The following ARIH2 variants were observed in gnomAD, a reference collection of about 807,000 sequenced individuals.
The protein encoded by ARIH2 is ariadne RBR E3 ubiquitin protein ligase 2, also known as E3 ubiquitin-protein ligase ARIH2.
Under a neutral mutation model 79.8 loss-of-function variants are expected in ARIH2, and 12 were observed. That is an observed-to-expected ratio of 0.15 (90% CI 0.10 to 0.24). The LOEUF (loss-of-function observed/expected upper bound fraction) is 0.24. ARIH2 is among the 10% of genes least tolerant of loss of function. ARIH2 has a pLI of 1.00. For synonymous variants in ARIH2, 224 were observed against 213.9 expected (o/e 1.05, Z -0.41); for missense variants, 301 against 618.3 (o/e 0.49, Z 5.44).
chr3:48,978,685 C>T (rs775457293), intron 11 of ARIH2, among the ~76,000 whole-genome samples: 8 of 151,526 alleles, frequency 5.3e-5, no homozygotes, highest in African/African-American at 9.7e-5. Flanking sequence ...ATTTGCCAGG[C>T]GCAGTGGCTC....
intron 3 of ARIH2, among the ~76,000 whole-genome samples, chr3:48,956,783 C>T (rs551827200): frequency 1.2e-3 from 189 of 152,040 alleles, no homozygotes; most frequent in Non-Finnish European, 2.3e-3. Flanking sequence ...ACTGCAACCT[C>T]TGCCTCCCGG....
intron 3 of ARIH2, among the ~76,000 whole-genome samples, chr3:48,952,992 C>T (rs778347683): frequency 6.6e-5 from 10 of 151,906 alleles, no homozygotes; most frequent in Non-Finnish European, 1.2e-4. Flanking sequence ...TGCAGTGGCG[C>T]GATCTTGGCT....
At chr3:48,965,718 T>TG (rs1236726872) in intron 5 of ARIH2, among the ~76,000 whole-genome samples, 4 of 152,156 alleles carry the variant, frequency 2.6e-5, no homozygotes, top group Admixed American at 1.3e-4. Flanking sequence ...CCCAGCACTT[T>TG]GGGGGGCCGA....
chr3:48,983,292 G>C lies in ARIH2; in HGVS notation c.*22G>C. 1 of 1,613,612 alleles carries C rather than the reference G, an allele frequency of 6.2e-7. No individual in the cohort carries two copies. The highest frequency in any genetic ancestry group is 8.5e-7 in the Non-Finnish European group (1 of 1,179,754). On this transcript the variant is annotated 3_prime_UTR_variant, in exon 16 of 16. Transcript: ENST00000356401. ...CTAAGTTGGGATGTGGATGTGCCGG[G>C]GTGAGGAAGATGTGGCTGCAAGGTC...
intron 7 of ARIH2, among the ~76,000 whole-genome samples, chr3:48,969,932 C>T (rs1293489271): frequency 2.0e-5 from 3 of 150,782 alleles, no homozygotes; most frequent in Non-Finnish European, 4.4e-5. Flanking sequence ...ACTCTGTCAC[C>T]GAGGCCGGAG....
At position 48,961,668 on chromosome 3, in the gene ARIH2, G is replaced by C; in HGVS notation, c.312G>C (p.Glu104Asp). 6.2e-7 allele frequency: 1 copy of C among 1,607,068 alleles called. No individual in the cohort carries two copies. Among genetic ancestry groups the C allele is most frequent in the South Asian group, 1.1e-5 (1 of 90,926 alleles). Residue 104 changes from glutamate (E) to aspartate (D), a missense_variant, in exon 4 of 16, where the codon GAG becomes GAC. By Grantham distance (45) the Glu-to-Asp change is conservative. This residue lies in a region of ARIH2 where 223 missense variants were observed against 349.4 expected (regional missense o/e 0.64). Transcript: ENST00000356401. ...TTAATTTCCACTGGCAAGTTTCAGA[G>C]ATATTGGACAGGTAAGGTATTTGGG... ...ILVNFHWQVS[E>D]ILDRYKSNSA...
Position 48,946,120 on chromosome 3 carries a change from G to A in ARIH2, c.256-15492G>A, listed in dbSNP as rs1487779448. Among the ~76,000 whole-genome samples the A allele has an allele frequency of 2.6e-5, 4 of 152,030 alleles. No individual in the cohort carries two copies. In the East Asian group the frequency reaches 5.8e-4, roughly 22 times the overall value. On this transcript the variant is annotated intron_variant, in intron 3 of 15. Transcript: ENST00000356401. ...TGCTGCTAACCACGTCAGTAACAGC[G>A]ACTAAAGCATTCATATTCACTTCAT...
At chr3:48,948,689 T>TA (rs1418561400) in intron 3 of ARIH2, among the ~76,000 whole-genome samples, 1 of 152,260 alleles carries the variant, frequency 6.6e-6, no homozygotes, top group Non-Finnish European at 1.5e-5. Context: ...TTTCATCACC[T>TA]AAAAAATTCC....
intron 4 of ARIH2, among the ~76,000 whole-genome samples, chr3:48,964,572 C>A (rs2091595182): frequency 6.6e-6 from 1 of 152,178 alleles, no homozygotes; most frequent in South Asian, 2.1e-4. Context: ...GCCTCGGCCT[C>A]CCAAAGTGCT....
Position 48,967,423 on chromosome 3 carries a change from TACAA to T in ARIH2, c.538+152_538+155del, listed in dbSNP as rs1435607269. 6 of 894,580 alleles carry T rather than the reference TACAA, an allele frequency of 6.7e-6. No homozygotes were observed. The Admixed American group carries it at 1.8e-4, about 27-fold the overall frequency. The allele number at this position is 894,580 out of a possible 1,614,324, so 55.4% of individuals were successfully genotyped here. On this transcript the variant is annotated intron_variant, in intron 6 of 15. Transcript: ENST00000356401. ...AACTAGTGATTTTCAAATACATCCA[TACAA>T]ACAGTGACAAAGTTTTCCCCAGTCC...
intron 3 of ARIH2, among the ~76,000 whole-genome samples, chr3:48,933,123 T>G (rs942459995): frequency 4.6e-5 from 7 of 152,090 alleles, no homozygotes; most frequent in African/African-American, 1.7e-4. Flanking sequence ...GGCACTCAGG[T>G]TGGAGTGCAG....
At chr3:48,974,714 C>CA in intron 9 of ARIH2, 103 bp from the exon 10 acceptor site, 1 of 1,226,372 alleles carries the variant, frequency 8.2e-7, no homozygotes, top group Non-Finnish European at 1.2e-6. Flanking sequence ...CAGAAGTGCT[C>CA]ACACCATGAG....
intron 3 of ARIH2, among the ~76,000 whole-genome samples, chr3:48,953,434 C>T (rs1004619898): frequency 6.6e-5 from 10 of 152,164 alleles, no homozygotes; most frequent in African/African-American, 2.2e-4. Flanking sequence ...GACGGAGTCT[C>T]GCTCTGTCTC....
intron 3 of ARIH2, among the ~76,000 whole-genome samples, chr3:48,939,612 G>C (rs562392320): frequency 6.6e-6 from 1 of 151,342 alleles, no homozygotes; most frequent in Admixed American, 6.6e-5. Context: ...AAAAAAATTA[G>C]CCGGGTGTGG....
intron 3 of ARIH2, among the ~76,000 whole-genome samples, chr3:48,937,728 G>A (rs1021199794): frequency 1.8e-4 from 28 of 152,000 alleles, no homozygotes; most frequent in African/African-American, 6.5e-4. Context: ...ACTTTTTCAT[G>A]AAGCCAGCTG....
chr3:48,979,814 A>G, intron 12 of ARIH2, 181 bp downstream of exon 12: 1 of 589,354 alleles, frequency 1.7e-6, no homozygotes, highest in South Asian at 2.8e-5. Context: ...TATAGGGTAT[A>G]TCCCCAGCCA....
intron 3 of ARIH2, among the ~76,000 whole-genome samples, chr3:48,955,874 G>C (rs529943328): frequency 2.6e-5 from 4 of 152,154 alleles, no homozygotes; most frequent in Non-Finnish European, 5.9e-5. Flanking sequence ...CCTCCTTGCT[G>C]AGACTACCTT....
chr3:48,961,762 T>C, intron 4 of ARIH2, 83 bp downstream of exon 4: 1 of 880,552 alleles, frequency 1.1e-6, no homozygotes, highest in Non-Finnish European at 1.9e-6. Context: ...TGGACCATAT[T>C]CGACTATATT....
At chr3:48,944,506 T>A (rs1338038053) in intron 3 of ARIH2, among the ~76,000 whole-genome samples, 1 of 152,162 alleles carries the variant, frequency 6.6e-6, no homozygotes, top group African/African-American at 2.4e-5. Flanking sequence ...ATATAACATT[T>A]GGGTACCTCA....
Sources: gnomAD v4.1 joint callset for allele counts (sites outside exome capture counted in the v4.1 genomes callset) on GRCh38, gnomAD v4.1.1 for gene constraint, gnomAD v4.1.1 regional missense constraint, MANE v1.5 for transcripts, NCBI Gene and HGNC (gene_info 2026-07-23, HGNC 2026-07-21) for gene names.